The following ZFHX3 variants were observed in gnomAD, a reference collection of about 807,000 sequenced individuals.
The protein encoded by ZFHX3 is zinc finger homeobox protein 3.
Under a neutral mutation model 279.1 loss-of-function variants are expected in ZFHX3, and 42 were observed. That is an observed-to-expected ratio of 0.15 (90% CI 0.12 to 0.19). The LOEUF is 0.19. Ranked by LOEUF, ZFHX3 falls within the 10% of genes least tolerant of loss-of-function variation. The pLI, the probability that ZFHX3 is intolerant of heterozygous loss-of-function variation, is 1.00. For synonymous variants in ZFHX3, 2,293 were observed against 1,957.8 expected (o/e 1.17, Z -4.52); for missense variants, 4,981 against 4,754.0 (o/e 1.05, Z -1.40).
At chr16:73,130,964 C>T (rs1966668707) in intron 7 of ZFHX3, 1 of 1,304,644 alleles carries the variant, frequency 7.7e-7, no homozygotes, top group Admixed American at 2.3e-5. Context: ...CATTTGTCAC[C>T]AACCTCTATG....
At chr16:73,378,996 G>A (rs1453933764) in intron 3 of ZFHX3, among the ~76,000 whole-genome samples, 1 of 152,138 alleles carries the variant, frequency 6.6e-6, no homozygotes, top group East Asian at 1.9e-4. Flanking sequence ...ACACCTTGAG[G>A]TTCTTTTATG....
At chr16:73,083,493 T>C (rs1270564962) in intron 8 of ZFHX3, 1 of 152,290 alleles carries the variant, frequency 6.6e-6, no homozygotes, top group Non-Finnish European at 1.5e-5. Flanking sequence ...GTGGTTTTCA[T>C]GGTCAAGTGA....
At chr16:73,397,834 C>T (rs977751019) in intron 3 of ZFHX3, among the ~76,000 whole-genome samples, 5 of 151,858 alleles carry the variant, frequency 3.3e-5, no homozygotes, top group Admixed American at 6.6e-5. Flanking sequence ...ATCAAGAGGC[C>T]TGTTTTGTTT....
chr16:73,151,545 G>A (rs923051950), intron 5 of ZFHX3, among the ~76,000 whole-genome samples: 23 of 146,404 alleles, frequency 1.6e-4, no homozygotes, highest in Non-Finnish European at 2.7e-4. Flanking sequence ...AAAGAATGTC[G>A]TGATTGATTG....
intron 4 of ZFHX3, among the ~76,000 whole-genome samples, chr16:73,268,031 T>C (rs2014028668): frequency 6.6e-6 from 1 of 152,214 alleles, no homozygotes; most frequent in African/African-American, 2.4e-5. Context: ...TTCAGAAGAT[T>C]TGATTTACCC....
chr16:73,324,235 A>G (rs2015635690), intron 3 of ZFHX3, among the ~76,000 whole-genome samples: 1 of 152,114 alleles, frequency 6.6e-6, no homozygotes, highest in South Asian at 2.1e-4. Flanking sequence ...ATATTGCTGG[A>G]TTGTTTTTTT....
At chr16:72,922,869 G>C (rs1270667281) in intron 3 of ZFHX3, among the ~76,000 whole-genome samples, 1 of 151,990 alleles carries the variant, frequency 6.6e-6, no homozygotes. Flanking sequence ...TCAGGGCTGG[G>C]GACAGAGCAG....
intron 2 of ZFHX3, among the ~76,000 whole-genome samples, chr16:73,631,898 TTCTCTCTC>T (rs139812596): frequency 3.8e-5 from 5 of 130,240 alleles, no homozygotes; most frequent in African/African-American, 1.4e-4. Context: ...TAGAGTGGGA[TTCTCTCTC>T]TCTCTCTCTC....
intron 1 of ZFHX3, among the ~76,000 whole-genome samples, chr16:73,851,800 G>A (rs1248548051): frequency 1.3e-5 from 2 of 152,086 alleles, no homozygotes; most frequent in African/African-American, 4.8e-5. Context: ...TGAGGCATTA[G>A]GATCAACAGA....
chr16:73,159,760 A>G (rs1347434585), intron 5 of ZFHX3, among the ~76,000 whole-genome samples: 1 of 152,172 alleles, frequency 6.6e-6, no homozygotes, highest in Non-Finnish European at 1.5e-5. Context: ...CTCGATTATT[A>G]TATTATCATT....
At chr16:72,981,866 TAC>T (rs1962613383) in intron 1 of ZFHX3, among the ~76,000 whole-genome samples, 1 of 148,960 alleles carries the variant, frequency 6.7e-6, no homozygotes, top group South Asian at 2.1e-4. Context: ...CACAGCGTTT[TAC>T]ACATTTTCCT....
chr16:73,156,926 A>G (rs1967100587), intron 5 of ZFHX3, among the ~76,000 whole-genome samples: 1 of 152,100 alleles, frequency 6.6e-6, no homozygotes, highest in African/African-American at 2.4e-5. Context: ...GTTGGCCAGG[A>G]TGGTCTCTAT....
At chr16:73,267,049 T>C (rs1458074294) in intron 4 of ZFHX3, among the ~76,000 whole-genome samples, 2 of 152,224 alleles carry the variant, frequency 1.3e-5, no homozygotes, top group Admixed American at 1.3e-4. Flanking sequence ...GTCAAGTGCA[T>C]GGTGATAAAA....
At chr16:72,856,825 G>A (rs2037765510) in intron 4 of ZFHX3, among the ~76,000 whole-genome samples, 1 of 152,126 alleles carries the variant, frequency 6.6e-6, no homozygotes, top group Admixed American at 6.6e-5. Context: ...TCCACCCTTG[G>A]TGAAATGGAT....
rs562075410 is a variant in ZFHX3, at chr16:73,102,070, C to T, written c.-896-8472G>A. Among the ~76,000 whole-genome samples the T allele has an allele frequency of 5.7e-4, 87 of 151,746 alleles. 1 individual carries two copies. Among genetic ancestry groups the T allele is most frequent in the Admixed American group, 7.2e-4 (11 of 15,234 alleles). ...CTGGGATTACAGGCACCTGCCACTGCGCCTGGCTAATTTTTGTGTTTTTAG... is the reference window on the plus strand; with the variant it reads ...CTGGGATTACAGGCACCTGCCACTGTGCCTGGCTAATTTTTGTGTTTTTAG... On this transcript the variant is annotated intron_variant, in intron 7 of 17. Transcript: ENST00000641206.
intron 3 of ZFHX3, among the ~76,000 whole-genome samples, chr16:73,407,807 C>A (rs971556334): frequency 2.6e-5 from 4 of 152,144 alleles, no homozygotes; most frequent in African/African-American, 9.7e-5. Flanking sequence ...TAGGTTTGGC[C>A]AGATCTTCCT....
At chr16:73,099,728 A>G (rs373762035) in intron 7 of ZFHX3, among the ~76,000 whole-genome samples, 36 of 147,294 alleles carry the variant, frequency 2.4e-4, no homozygotes, top group South Asian at 4.4e-4. Flanking sequence ...AAAAAAAAAA[A>G]AGAGAGAGAG....
At chr16:73,056,136 C>A (rs963790186) in intron 1 of ZFHX3, among the ~76,000 whole-genome samples, 1 of 152,130 alleles carries the variant, frequency 6.6e-6, no homozygotes. Context: ...CTTCCCAAAC[C>A]GCAGTCTTTT....
chr16:73,119,114 A>ATT lies in ZFHX3; in HGVS notation c.-897+11852_-897+11853dup, dbSNP rs34837490. ...CTCTTTTTAAAATTCTTTTATTTTT[A>ATT]TTTTTTTGAGACAGGGTCTCACTTT... is the stretch of plus-strand genomic sequence containing the variant. On this transcript the variant is annotated intron_variant, in intron 7 of 17. Transcript: ENST00000641206. Among the ~76,000 whole-genome samples the ATT allele has an allele frequency of 4.3e-3, 654 of 151,546 alleles. 4 individuals are homozygous for ATT. The highest frequency in any genetic ancestry group is 0.01 in the South Asian group (49 of 4,778).
Sources: gnomAD v4.1 joint callset for allele counts (sites outside exome capture counted in the v4.1 genomes callset) on GRCh38, gnomAD v4.1.1 for gene constraint, MANE v1.5 for transcripts, NCBI Gene and HGNC (gene_info 2026-07-23, HGNC 2026-07-21) for gene names.